Variants in AP2B1 observed in about 807,000 individuals in gnomAD.
The protein encoded by AP2B1 is AP-2 complex subunit beta.
Under a neutral mutation model 102.0 loss-of-function variants are expected in AP2B1, and 23 were observed. The ratio of observed to expected loss-of-function variants is 0.23; its 90% CI spans 0.16 to 0.32. AP2B1 has a LOEUF of 0.32. Ranked by LOEUF, AP2B1 falls within the 10% of genes least tolerant of loss-of-function variation. The probability of loss-of-function intolerance (pLI) is 1.00; values close to 1 mark genes in which losing one functional copy is unlikely to be tolerated. For synonymous variants in AP2B1, 381 were observed against 421.2 expected, an observed-to-expected ratio of 0.90 and a Z score of 1.17; for missense variants, 541 against 1,157.4, an observed-to-expected ratio of 0.47 and a Z score of 7.73.
At chr17:35,720,193 C>T (rs1555592046) in intron 21 of AP2B1, among the ~76,000 whole-genome samples, 1 of 151,928 alleles carries the variant, frequency 6.6e-6, no homozygotes, top group Admixed American at 6.6e-5. Flanking sequence ...AGAGTAATGC[C>T]GACCCTAAGG....
chr17:35,624,268 G>A, intron 5 of AP2B1, 129 bp from the exon 6 acceptor site: 1 of 821,380 alleles, frequency 1.2e-6, no homozygotes, highest in Non-Finnish European at 2.0e-6. Flanking sequence ...GTTTCTATCT[G>A]ACTAGGTAAA....
chr17:35,694,166 G>C (rs1392892199), intron 18 of AP2B1, among the ~76,000 whole-genome samples: 1 of 152,078 alleles, frequency 6.6e-6, no homozygotes, highest in Non-Finnish European at 1.5e-5. Context: ...AATTAGAGTG[G>C]AATTTTAATC....
chr17:35,632,683 A>T lies in AP2B1; in HGVS notation c.1156-3658A>T, dbSNP rs538202291. 1.4e-4 allele frequency among the ~76,000 whole-genome samples: 22 copies of T among 151,848 alleles called. 1 individual carries two copies. The highest frequency in any genetic ancestry group is 7.2e-4 in the Admixed American group (11 of 15,266). ...TAGTTTTTTTTTTTTAATCAAAAGCAGTATGGTTGAGATGATAATTTTCTT... is the reference window on the plus strand; with the variant it reads ...TAGTTTTTTTTTTTTAATCAAAAGCTGTATGGTTGAGATGATAATTTTCTT... On this transcript the variant is annotated intron_variant, in intron 9 of 21. Coordinates refer to ENST00000610402, the MANE Select transcript of AP2B1 (RefSeq NM_001030006.2).
chr17:35,646,744 A>G (rs1014058991), intron 12 of AP2B1, among the ~76,000 whole-genome samples: 5 of 151,792 alleles, frequency 3.3e-5, no homozygotes, highest in Non-Finnish European at 5.9e-5. Context: ...ATCTGCCACC[A>G]TGCCTGGCTA....
At chr17:35,647,935 A>G (rs1468378052) in intron 12 of AP2B1, among the ~76,000 whole-genome samples, 2 of 144,660 alleles carry the variant, frequency 1.4e-5, no homozygotes, top group East Asian at 4.1e-4. Flanking sequence ...TCTGTCATCC[A>G]GGCTGGACTG....
intron 16 of AP2B1, among the ~76,000 whole-genome samples, chr17:35,673,197 ATGACTCC>A (rs1365489876): frequency 6.6e-6 from 1 of 151,990 alleles, no homozygotes; most frequent in Non-Finnish European, 1.5e-5. Flanking sequence ...AGAACAGCTC[ATGACTCC>A]TGATTTTTTT....
intron 2 of AP2B1, chr17:35,596,861 A>G (rs1034243699): frequency 1.5e-6 from 1 of 687,298 alleles, no homozygotes; most frequent in South Asian, 1.4e-5. Flanking sequence ...GCCGCCCAGC[A>G]GGAAGAAGCC....
chr17:35,683,736 G>A (rs1413929996), intron 18 of AP2B1, among the ~76,000 whole-genome samples: 2 of 152,202 alleles, frequency 1.3e-5, no homozygotes, highest in Non-Finnish European at 2.9e-5. Flanking sequence ...CAACCCTGGA[G>A]GTTGCTAGCG....
intron 17 of AP2B1, among the ~76,000 whole-genome samples, chr17:35,682,415 T>C (rs1381362123): frequency 7.1e-6 from 1 of 140,808 alleles, no homozygotes; most frequent in Non-Finnish European, 1.5e-5. Context: ...CGATCTCGGC[T>C]CACTACAACC....
rs559481058 is a variant in AP2B1 at position 35,664,933 on chromosome 17, C to G, written c.1990-5924C>G. ...TCAGGAAGTAATCCGTTCCATCCCC[C>G]TACTTTTCCACTGATAGAAGCCTTT... On this transcript the variant is annotated intron_variant, in intron 14 of 21. Transcript: ENST00000610402. Among the ~76,000 whole-genome samples, 15 of 152,186 alleles carry G rather than the reference C, an allele frequency of 9.9e-5. No individual in the cohort carries two copies. The East Asian group carries it at 2.5e-3, about 25-fold the overall frequency.
At chr17:35,703,899 G>T (rs190758502) in intron 18 of AP2B1, among the ~76,000 whole-genome samples, 6 of 152,276 alleles carry the variant, frequency 3.9e-5, no homozygotes, top group Non-Finnish European at 7.3e-5. Flanking sequence ...TAAGTAGGCA[G>T]TTGGTTATAT....
At chr17:35,671,992 A>C (rs980690491) in intron 16 of AP2B1, 92 bp downstream of exon 16, 2 of 1,452,126 alleles carry the variant, frequency 1.4e-6, no homozygotes, top group Middle Eastern at 1.8e-4. Flanking sequence ...ACTGGTAATA[A>C]ATCAAAGGTT....
chr17:35,594,582 TTA>T, intron 2 of AP2B1, among the ~76,000 whole-genome samples: 1 of 152,358 alleles, frequency 6.6e-6, no homozygotes, highest in African/African-American at 2.4e-5. Context: ...TAAAATTTTT[TTA>T]TCTTTAATGA....
chr17:35,629,336 A>T (rs955212566), intron 9 of AP2B1, among the ~76,000 whole-genome samples: 4 of 152,088 alleles, frequency 2.6e-5, no homozygotes, highest in African/African-American at 9.7e-5. Flanking sequence ...CATAATATCA[A>T]ATCTGTAAAC....
chr17:35,680,439 A>C (rs587597614), intron 17 of AP2B1, among the ~76,000 whole-genome samples: 1 of 151,856 alleles, frequency 6.6e-6, no homozygotes, highest in Admixed American at 6.6e-5. Flanking sequence ...CTGCAGCCTC[A>C]ACCTCCTGGG....
intron 5 of AP2B1, among the ~76,000 whole-genome samples, chr17:35,616,026 C>T (rs1045909652): frequency 6.7e-6 from 1 of 149,980 alleles, no homozygotes; most frequent in Non-Finnish European, 1.5e-5. Context: ...AAAGCAAACA[C>T]TTTTTGTTTT....
intron 13 of AP2B1, among the ~76,000 whole-genome samples, chr17:35,656,633 CG>C (rs2075227602): frequency 6.6e-6 from 1 of 152,134 alleles, no homozygotes; most frequent in Admixed American, 6.5e-5. Flanking sequence ...CGGTGGCTCA[CG>C]CCTGTAATCC....
intron 21 of AP2B1, 28 bp downstream of exon 21, chr17:35,717,377 T>A: frequency 6.2e-7 from 1 of 1,613,576 alleles, no homozygotes; most frequent in African/African-American, 1.3e-5. Flanking sequence ...ATGGGTGAGA[T>A]GGATTAGAGG....
At chr17:35,627,830 A>G in intron 9 of AP2B1, 104 bp downstream of exon 9, 6 of 965,468 alleles carry the variant, frequency 6.2e-6, no homozygotes, top group Non-Finnish European at 9.1e-6. Flanking sequence ...AATAAAGCAC[A>G]CAGTTTCAAT....
Sources: gnomAD v4.1 joint callset for allele counts (sites outside exome capture counted in the v4.1 genomes callset) on GRCh38, gnomAD v4.1.1 for gene constraint, MANE v1.5 for transcripts, NCBI Gene and HGNC (gene_info 2026-07-23, HGNC 2026-07-21) for gene names.